The following MANBA variants were observed in gnomAD, a reference collection of about 807,000 sequenced individuals.
The protein encoded by MANBA is mannosidase beta, also known as beta-mannosidase.
In MANBA, 83 loss-of-function variants were observed where a neutral mutation model predicts 111.1. The ratio of observed to expected loss-of-function variants is 0.75; its 90% CI spans 0.63 to 0.90. MANBA has a LOEUF of 0.90. Ranked by LOEUF, MANBA falls within the 40% of genes least tolerant of loss-of-function variation. The probability of loss-of-function intolerance (pLI) is 0.00; values close to 1 mark genes in which losing one functional copy is unlikely to be tolerated. For missense variants in MANBA, 1,036 were observed against 1,069.0 expected (o/e 0.97, Z 0.43); for synonymous variants, 370 against 378.7 (o/e 0.98, Z 0.27).
In MANBA at chr4:102,635,945, G is replaced by C. The variant is rs745571824; in HGVS notation, c.2077C>G (p.Pro693Ala). The change falls in exon 15 of 17, where the codon CCA becomes GCA. Residue 693 changes from proline to alanine, a missense_variant. Coordinates refer to ENST00000647097, the MANE Select transcript of MANBA (RefSeq NM_005908.4). ...FAQNFFAPLL[P>A]VGFENENTFY... ...GTGTTTTCATTCTCAAAGCCTACTG[G>C]CAACAGTGGAGCAAAGAAATTCTGA... The C allele has an allele frequency of 5.6e-6, 9 of 1,612,186 alleles. No homozygotes were observed. Among genetic ancestry groups the C allele is most frequent in the Non-Finnish European group, 7.6e-6 (9 of 1,178,342 alleles).
chr4:102,728,172 C>T, intron 1 of MANBA: 1 of 539,202 alleles, frequency 1.9e-6, no homozygotes, highest in Non-Finnish European at 3.8e-6. Context: ...TTCTCATGCC[C>T]CTGCTCTATG....
At chr4:102,747,173 A>ATAT (rs1560812741) in intron 1 of MANBA, among the ~76,000 whole-genome samples, 1 of 151,394 alleles carries the variant, frequency 6.6e-6, no homozygotes, top group African/African-American at 2.5e-5. Flanking sequence ...ATATATATAT[A>ATAT]AAGGGGAGTT....
At position 102,631,458 on chromosome 4, in the gene MANBA, A is replaced by G. The variant is rs1453887960; in HGVS notation, c.*599T>C. 3.4e-6 allele frequency: 1 copy of G among 296,298 alleles called. No homozygotes were observed. The highest frequency in any genetic ancestry group is 2.2e-5 in the African/African-American group (1 of 46,390). The allele number at this position is 296,298 out of a possible 1,614,324, so 18.4% of individuals were successfully genotyped here. On this transcript the variant is annotated 3_prime_UTR_variant, in exon 17 of 17. Transcript: ENST00000647097. ...GTATTGGGCAAAATTGAATATTTAT[A>G]GAACGGTTAAATAAGCCACAGATGA...
intron 5 of MANBA, among the ~76,000 whole-genome samples, chr4:102,700,756 G>T (rs1300592026): frequency 6.6e-6 from 1 of 152,134 alleles, no homozygotes; most frequent in African/African-American, 2.4e-5. Context: ...TTCTACATTT[G>T]CTGAGGAGTG....
chr4:102,703,991 AG>A (rs1162975073), intron 5 of MANBA, among the ~76,000 whole-genome samples: 2 of 152,086 alleles, frequency 1.3e-5, no homozygotes, highest in African/African-American at 4.8e-5. Flanking sequence ...GCTACTCGGG[AG>A]GCTAAGGCAG....
rs11436517 is a variant in MANBA at position 102,635,210 on chromosome 4, G to GT, written c.2158-166dup. ...TGCAAAATACTAGCTATGTGACTAAGTAACTTCTCAGTCTTCATTTCTTCA... is the reference window on the plus strand; with the variant it reads ...TGCAAAATACTAGCTATGTGACTAAGTTAACTTCTCAGTCTTCATTTCTTCA... On this transcript the variant is annotated intron_variant, in intron 15 of 16. Transcript: ENST00000647097. 0.55 allele frequency among the ~76,000 whole-genome samples: 83,565 copies of GT among 152,006 alleles called. 23,396 individuals are homozygous for GT. The highest frequency in any genetic ancestry group is 0.63 in the African/African-American group (26,184 of 41,432).
intron 4 of MANBA, among the ~76,000 whole-genome samples, chr4:102,718,155 A>G (rs187288752): frequency 6.6e-6 from 1 of 152,370 alleles, no homozygotes; most frequent in Admixed American, 6.5e-5. Flanking sequence ...GTGTCAAGAA[A>G]AACTCAAGTT....
At chr4:102,654,941 C>A (rs1730495578) in intron 12 of MANBA, among the ~76,000 whole-genome samples, 1 of 151,928 alleles carries the variant, frequency 6.6e-6, no homozygotes, top group Non-Finnish European at 1.5e-5. Flanking sequence ...ATAGAAAATG[C>A]TAAAGAATAT....
At chr4:102,734,432 AC>A (rs1445659797) in intron 1 of MANBA, 1 of 1,607,536 alleles carries the variant, frequency 6.2e-7, no homozygotes, top group Non-Finnish European at 8.5e-7. Context: ...TATGGTACGG[AC>A]TCTTCCTGGG....
chr4:102,733,348 C>A (rs1288400035), intron 1 of MANBA, among the ~76,000 whole-genome samples: 1 of 145,534 alleles, frequency 6.9e-6, no homozygotes, highest in Non-Finnish European at 1.5e-5. Context: ...GTCCTCTCTG[C>A]ATTTTTTTTT....
chr4:102,753,464 G>A (rs982770670), intron 1 of MANBA, among the ~76,000 whole-genome samples: 4 of 151,996 alleles, frequency 2.6e-5, no homozygotes, highest in Non-Finnish European at 4.4e-5. Flanking sequence ...CAGTATATGC[G>A]AATTTAGTGC....
chr4:102,636,101 T>C (rs997606139), intron 14 of MANBA, 94 bp from the exon 15 acceptor site: 4 of 1,116,878 alleles, frequency 3.6e-6, no homozygotes, highest in South Asian at 2.5e-5. Context: ...ATCGGGGTTC[T>C]AAGGGAGTGA....
At chr4:102,636,106 G>C in intron 14 of MANBA, 99 bp from the exon 15 acceptor site, 2 of 1,058,664 alleles carry the variant, frequency 1.9e-6, no homozygotes. Context: ...GGTTCTAAGG[G>C]AGTGAGCATG....
intron 5 of MANBA, among the ~76,000 whole-genome samples, chr4:102,700,312 C>T (rs80167068): frequency 6.6e-6 from 1 of 151,882 alleles, no homozygotes. Context: ...AAAACCAGCT[C>T]CTGGATTCAT....
intron 1 of MANBA, among the ~76,000 whole-genome samples, chr4:102,754,376 T>C (rs958742973): frequency 1.3e-4 from 20 of 151,632 alleles, no homozygotes; most frequent in African/African-American, 4.8e-4. Flanking sequence ...ATCAGAAAAA[T>C]AGAAAAAAAT....
chr4:102,746,925 T>C (rs763208151), intron 1 of MANBA, among the ~76,000 whole-genome samples: 1 of 145,930 alleles, frequency 6.9e-6, no homozygotes, highest in African/African-American at 2.6e-5. Flanking sequence ...TGAGCAGAGA[T>C]CGCGCCACTG....
intron 11 of MANBA, among the ~76,000 whole-genome samples, chr4:102,661,686 TATCTG>T (rs1730963566): frequency 6.6e-6 from 1 of 152,334 alleles, no homozygotes; most frequent in African/African-American, 2.4e-5. Flanking sequence ...TACCTAAAAA[TATCTG>T]GCTTTGACGA....
At chr4:102,687,943 C>T (rs574416765) in intron 7 of MANBA, among the ~76,000 whole-genome samples, 2 of 152,274 alleles carry the variant, frequency 1.3e-5, no homozygotes, top group Admixed American at 6.5e-5. Context: ...CATGCATTAA[C>T]TCAAGGTGTG....
chr4:102,714,400 G>T, intron 5 of MANBA, 38 bp downstream of exon 5: 1 of 1,562,190 alleles, frequency 6.4e-7, no homozygotes, highest in South Asian at 1.1e-5. Context: ...ATAACAAGAA[G>T]ACTCAAAAAG....
Sources: gnomAD v4.1 joint callset for allele counts (sites outside exome capture counted in the v4.1 genomes callset) on GRCh38, gnomAD v4.1.1 for gene constraint, MANE v1.5 for transcripts, NCBI Gene and HGNC (gene_info 2026-07-23, HGNC 2026-07-21) for gene names.